Variants in XK observed in about 807,000 individuals in gnomAD.
XK encodes X-linked Kx blood group antigen, Kell and VPS13A binding protein.
XK carries 2 observed loss-of-function variants against 14.0 expected under a neutral mutation model. The ratio of observed to expected loss-of-function variants is 0.14; its 90% confidence interval spans 0.06 to 0.45. XK has a LOEUF of 0.45. Among genes scored for constraint, XK ranks in the 20% least tolerant of loss-of-function variants. The pLI, the probability that XK is intolerant of heterozygous loss-of-function variation, is 0.98. For synonymous variants in XK, 149 were observed against 147.5 expected (o/e 1.01, Z -0.08); for missense variants, 235 against 341.5 (o/e 0.69, Z 2.46).
At chrX:37,724,883 A>G (rs1373486443) in intron 2 of XK, among the ~76,000 whole-genome samples, 1 of 111,652 alleles carries the variant, frequency 9.0e-6, no homozygotes, top group African/African-American at 3.2e-5. Flanking sequence ...CAAGATGGCA[A>G]ATAAGCATAT....
intron 2 of XK, among the ~76,000 whole-genome samples, chrX:37,710,305 C>T (rs1195610490): frequency 3.6e-5 from 4 of 112,216 alleles, no homozygotes; most frequent in Non-Finnish European, 5.6e-5. Context: ...CCTATGAGAG[C>T]GAAGAAAGGA....
intron 2 of XK, among the ~76,000 whole-genome samples, chrX:37,698,756 TA>T (rs1181179499): frequency 1.8e-4 from 20 of 110,857 alleles, no homozygotes; most frequent in Non-Finnish European, 3.8e-4. Context: ...ATAGGATATA[TA>T]AACATCACAC....
intron 2 of XK, among the ~76,000 whole-genome samples, chrX:37,711,540 C>T (rs1313839201): frequency 8.9e-6 from 1 of 112,098 alleles, no homozygotes; most frequent in African/African-American, 3.2e-5. Flanking sequence ...TTTACACAAT[C>T]CTTTGTGGAT....
chrX:37,702,589 T>C (rs1455134852), intron 2 of XK, among the ~76,000 whole-genome samples: 1 of 111,396 alleles, frequency 9.0e-6, no homozygotes, highest in African/African-American at 3.3e-5. Context: ...AAAAGGAGGG[T>C]ACACATGATT....
At position 37,728,054 on chromosome X, in the gene XK, C is replaced by T. The variant is rs782163436; in HGVS notation, c.927C>T (p.Ser309=). The T allele has an allele frequency of 4.1e-6, 5 of 1,209,524 alleles. No individual in the cohort carries two copies. The highest frequency in any genetic ancestry group is 2.2e-5 in the Admixed American group (1 of 45,636). Residue 309 remains serine (S), a synonymous_variant, in exon 3 of 3, where the codon AGC becomes AGT. Transcript: ENST00000378616. ...AAATTGACAGCCCTGACCTCATCAG[C>T]AAGTCCCATAATTGGTACCAGCTAC... ...QLKIDSPDLI[S]KSHNWYQLLV...
intron 2 of XK, among the ~76,000 whole-genome samples, chrX:37,710,232 G>A (rs1556446405): frequency 8.9e-6 from 1 of 111,751 alleles, no homozygotes; most frequent in African/African-American, 3.3e-5. Flanking sequence ...AAAATTTGTA[G>A]AGAGAGGATT....
At chrX:37,708,418 C>T (rs915056292) in intron 2 of XK, among the ~76,000 whole-genome samples, 2 of 111,718 alleles carry the variant, frequency 1.8e-5, no homozygotes, top group Non-Finnish European at 3.8e-5. Context: ...CTCCTTGATC[C>T]TCTGGAGGGA....
At chrX:37,722,260 G>A (rs782554526) in intron 2 of XK, among the ~76,000 whole-genome samples, 9 of 111,451 alleles carry the variant, frequency 8.1e-5, no homozygotes, top group African/African-American at 9.7e-5. Context: ...CATCTATCAC[G>A]TCTTCAACAA....
chrX:37,707,421 C>T (rs369629429), intron 2 of XK, among the ~76,000 whole-genome samples: 4 of 106,439 alleles, frequency 3.8e-5, no homozygotes, highest in Admixed American at 1.9e-4. Context: ...GGGTGGCTGC[C>T]GGGCGCAGGG....
chrX:37,724,068 A>G (rs1297670350), intron 2 of XK, among the ~76,000 whole-genome samples: 4 of 111,511 alleles, frequency 3.6e-5, no homozygotes, highest in Non-Finnish European at 7.6e-5. Context: ...ACTCAGTGCC[A>G]AAAGACTATG....
At chrX:37,715,211 T>C (rs1170580151) in intron 2 of XK, among the ~76,000 whole-genome samples, 3 of 110,946 alleles carry the variant, frequency 2.7e-5, no homozygotes, top group Non-Finnish European at 5.7e-5. Flanking sequence ...TTTAGATATA[T>C]ATTTTTTTCC....
chrX:37,707,481 T>C (rs1927559159), intron 2 of XK, among the ~76,000 whole-genome samples: 1 of 100,545 alleles, frequency 9.9e-6, no homozygotes, highest in African/African-American at 3.8e-5. Context: ...GGCTCCTCAC[T>C]TCTCAGACGG....
At chrX:37,705,274 T>C (rs2146820402) in intron 2 of XK, among the ~76,000 whole-genome samples, 1 of 103,467 alleles carries the variant, frequency 9.7e-6, no homozygotes, top group South Asian at 4.5e-4. Flanking sequence ...TGAAACCCCG[T>C]CTCTACTAAA....
chrX:37,719,619 T>C (rs1927831013), intron 2 of XK, among the ~76,000 whole-genome samples: 1 of 111,440 alleles, frequency 9.0e-6, no homozygotes, highest in Non-Finnish European at 1.9e-5. Context: ...GTAATTATGG[T>C]ATTTTTTTAG....
At chrX:37,711,406 C>T (rs1927662242) in intron 2 of XK, among the ~76,000 whole-genome samples, 1 of 112,355 alleles carries the variant, frequency 8.9e-6, no homozygotes, top group Non-Finnish European at 1.9e-5. Context: ...GAATGCAGCT[C>T]AGGTACTGAT....
rs1556450330 is a variant in XK, at chrX:37,727,734, G to A, written c.607G>A (p.Val203Met). 2 of 1,209,574 alleles carry A rather than the reference G, an allele frequency of 1.7e-6. No homozygotes were observed. The highest frequency in any genetic ancestry group is 2.2e-6 in the Non-Finnish European group (2 of 895,080). The change falls in exon 3 of 3, where the codon GTG (valine) becomes ATG (methionine). Residue 203 changes from valine to methionine, a missense_variant. Transcript: ENST00000378616. Reference protein sequence around the residue: ...KIKYDEYEVKVKPLAYVCIFL... With the variant: ...KIKYDEYEVKMKPLAYVCIFL... ...CAAGTACGATGAGTATGAAGTCAAA[G>A]TGAAGCCTCTGGCCTATGTCTGTAT...
chrX:37,694,629 A>C, intron 2 of XK, 81 bp downstream of exon 2: 1 of 1,139,862 alleles, frequency 8.8e-7, no homozygotes, highest in Admixed American at 2.6e-5. Context: ...TTTCAAAGGA[A>C]ATTTGTTCTT....
At chrX:37,724,612 C>G (rs995900044) in intron 2 of XK, among the ~76,000 whole-genome samples, 1 of 110,999 alleles carries the variant, frequency 9.0e-6, no homozygotes, top group African/African-American at 3.3e-5. Context: ...GATACAACAC[C>G]AAAGGCATGA....
rs143658768 is a variant in XK at position 37,691,301 on chromosome X, G to A, written c.246-2985G>A. On this transcript the variant is annotated intron_variant, in intron 1 of 2. Transcript: ENST00000378616. ...GCTGGTATTTAATTTGTATGTTTTA[G>A]TCTTTCAAAACTCTAAGCTTGATTT... Among the ~76,000 whole-genome samples the A allele has an allele frequency of 8.0e-3, 903 of 112,392 alleles. 1 individual carries two copies. The highest frequency in any genetic ancestry group is 0.028 in the African/African-American group (853 of 30,941).
Sources: allele counts gnomAD v4.1 joint callset (sites outside exome capture counted in the v4.1 genomes callset), GRCh38; gene constraint gnomAD v4.1.1; transcripts MANE v1.5; gene names NCBI Gene and HGNC (gene_info 2026-07-23, HGNC 2026-07-21).